The following PTGER2 variants were observed in gnomAD, a reference collection of about 807,000 sequenced individuals.
PTGER2 encodes the protein prostaglandin E2 receptor EP2 subtype.
A neutral mutation model predicts 26.2 loss-of-function variants in PTGER2; 22 were observed. The observed-to-expected ratio is 0.84, with a 90% confidence interval of 0.60 to 1.20. The LOEUF is 1.20. Among genes scored for constraint, PTGER2 ranks in the 50% most tolerant of loss-of-function variants. The pLI, the probability that PTGER2 is intolerant of heterozygous loss-of-function variation, is 0.00. For missense variants in PTGER2, 458 were observed against 475.2 expected (o/e 0.96, Z 0.34); for synonymous variants, 219 against 208.9 (o/e 1.05, Z -0.42).
chr14:52,314,941 C>G lies in PTGER2; in HGVS notation c.393C>G (p.Ala131=). The change falls in exon 1 of 2, where the codon GCC becomes GCG. Residue 131 remains alanine, a synonymous_variant. Coordinates refer to ENST00000245457, the MANE Select transcript of PTGER2 (RefSeq NM_000956.4). This position sits in a 1 kb window ranked among gnomAD's most constrained non-coding sequence, Gnocchi z 5.7. ...CGATGCTCATGCTCTTCGCCATGGC[C>G]CTGGAGCGCTACCTCTCGATCGGGC... ...LATMLMLFAM[A]LERYLSIGHP... is the part of the protein sequence containing the mutation. 6.2e-7 allele frequency: 1 copy of G among 1,612,964 alleles called. No homozygotes were observed. The highest frequency in any genetic ancestry group is 8.5e-7 in the Non-Finnish European group (1 of 1,179,880).
In PTGER2 at chr14:52,315,363, C is replaced by T. The variant is rs2033829408; in HGVS notation, c.815C>T (p.Thr272Ile). 2 of 1,613,304 alleles carry T rather than the reference C, an allele frequency of 1.2e-6. No homozygotes were observed. Among genetic ancestry groups the T allele is most frequent in the African/African-American group, 1.3e-5 (1 of 74,816 alleles). ...HLILLAIMTITFAVCSLPFTI... is the reference protein window; with the variant it reads ...HLILLAIMTIIFAVCSLPFTI... ...ATTCTCCTGGCTATCATGACCATCACCTTCGCCGTCTGCTCCTTGCCTTTC... is the reference window on the plus strand; with the variant it reads ...ATTCTCCTGGCTATCATGACCATCATCTTCGCCGTCTGCTCCTTGCCTTTC... The change falls in exon 1 of 2, where the codon ACC becomes ATC. Residue 272 changes from threonine (T) to isoleucine (I), a missense_variant. By Grantham distance (89) the Thr-to-Ile change is moderately conservative. Transcript: ENST00000245457.
In PTGER2 at chr14:52,327,753, G is replaced by A; in HGVS notation, c.*299G>A. Reference sequence around the variant, plus strand: ...TTAAGCTTTCCTGTTGAATGACAAAGTATGTGGTTTTGTAATTTGTTTGAA... The same window carrying A: ...TTAAGCTTTCCTGTTGAATGACAAAATATGTGGTTTTGTAATTTGTTTGAA... On this transcript the variant is annotated 3_prime_UTR_variant, in exon 2 of 2. Coordinates refer to ENST00000245457, the MANE Select transcript of PTGER2 (RefSeq NM_000956.4). 1 of 300,654 alleles carries A rather than the reference G, an allele frequency of 3.3e-6. No individual in the cohort carries two copies. Among genetic ancestry groups the A allele is most frequent in the Non-Finnish European group, 6.2e-6 (1 of 161,236 alleles). 18.6% of individuals were successfully genotyped at this position (300,654 alleles called of 1,614,324 possible).
chr14:52,325,736 C>T (rs767262306), intron 1 of PTGER2, among the ~76,000 whole-genome samples: 1 of 152,248 alleles, frequency 6.6e-6, no homozygotes, highest in African/African-American at 2.4e-5. Flanking sequence ...TTTCCTTACT[C>T]ATCTGCCAAA....
intron 1 of PTGER2, among the ~76,000 whole-genome samples, chr14:52,321,619 T>C (rs759330143): frequency 2.3e-4 from 35 of 152,250 alleles, no homozygotes; most frequent in Admixed American, 5.2e-4. Context: ...TGGTGTCCCA[T>C]GGATTCAGTT....
chr14:52,317,314 T>C (rs1265283491), intron 1 of PTGER2, among the ~76,000 whole-genome samples: 1 of 152,216 alleles, frequency 6.6e-6, no homozygotes, highest in African/African-American at 2.4e-5. Flanking sequence ...AGGAAAAAGT[T>C]CTCCTCTTTG....
intron 1 of PTGER2, among the ~76,000 whole-genome samples, chr14:52,317,924 C>T (rs2033857463): frequency 6.6e-6 from 1 of 152,178 alleles, no homozygotes; most frequent in Non-Finnish European, 1.5e-5. Context: ...TTTATTTTGT[C>T]AATAGATTAT....
In PTGER2 at chr14:52,327,657, C is replaced by T. The variant is rs2033965947; in HGVS notation, c.*203C>T. The T allele has an allele frequency of 2.2e-5, 12 of 535,540 alleles. No homozygotes were observed. In the East Asian group the frequency reaches 3.7e-4, roughly 16 times the overall value. 33.2% of individuals were successfully genotyped at this position (535,540 alleles called of 1,614,324 possible). A position where few individuals can be genotyped will look rare whatever the true frequency, so the allele number is the denominator to read the frequency against. On this transcript the variant is annotated 3_prime_UTR_variant, in exon 2 of 2. Transcript: ENST00000245457. ...GTGTCAGAAGGAGCTACAAAACCTA[C>T]CCTCAGTGAGCATGGTACTTGGCCT...
intron 1 of PTGER2, among the ~76,000 whole-genome samples, chr14:52,316,986 A>G (rs925089074): frequency 2.0e-5 from 3 of 152,220 alleles, no homozygotes; most frequent in African/African-American, 4.8e-5. Context: ...TTTTACTGGT[A>G]GGAGCTTTTG....
chr14:52,320,308 C>G (rs1006386136), intron 1 of PTGER2, among the ~76,000 whole-genome samples: 1 of 152,150 alleles, frequency 6.6e-6, no homozygotes, highest in African/African-American at 2.4e-5. Flanking sequence ...AATAAAGACA[C>G]AATTACACTG....
rs905258934 is a variant in PTGER2, at chr14:52,314,677, G to GGCGCTGCTGGC, written c.134_144dup (p.Arg49CysfsTer27). 5 of 1,545,644 alleles carry GGCGCTGCTGGC rather than the reference G, an allele frequency of 3.2e-6. No homozygotes were observed. Among genetic ancestry groups the GGCGCTGCTGGC allele is most frequent in the Non-Finnish European group, 4.4e-6 (5 of 1,142,928 alleles). On this transcript the variant is annotated frameshift_variant, in exon 1 of 2. Coordinates refer to ENST00000245457, the MANE Select transcript of PTGER2 (RefSeq NM_000956.4). LOFTEE classifies it high-confidence loss of function. This position sits in a 1 kb window ranked among gnomAD's most constrained non-coding sequence, Gnocchi z 5.7. ...GGGTGCTGGGGAACCTCATAGCACT[G>GGCGCTGCTGGC]GCGCTGCTGGCGCGCCGCTGGCGGG...
At chr14:52,321,968 T>A (rs1186090100) in intron 1 of PTGER2, among the ~76,000 whole-genome samples, 2 of 152,204 alleles carry the variant, frequency 1.3e-5, no homozygotes, top group Non-Finnish European at 2.9e-5. Context: ...TTTAAACTAT[T>A]CCAGGTTTTA....
chr14:52,318,783 T>C (rs1158758690), intron 1 of PTGER2, among the ~76,000 whole-genome samples: 1 of 152,196 alleles, frequency 6.6e-6, no homozygotes, highest in Non-Finnish European at 1.5e-5. Context: ...GTCTAGGGCT[T>C]CCAAAATTTT....
chr14:52,316,652 A>G (rs1299234844), intron 1 of PTGER2, among the ~76,000 whole-genome samples: 1 of 152,164 alleles, frequency 6.6e-6, no homozygotes, highest in African/African-American at 2.4e-5. Flanking sequence ...TCATGTGCTC[A>G]TCCTCAGGGA....
chr14:52,327,026 GA>G (rs377320233), intron 1 of PTGER2, among the ~76,000 whole-genome samples, 194 bp from the exon 2 acceptor site: 286 of 152,156 alleles, frequency 1.9e-3, no homozygotes, highest in African/African-American at 6.7e-3. Context: ...AGTTCAAGGG[GA>G]AAAAATACAT....
At position 52,314,435 on chromosome 14, in the gene PTGER2, T is replaced by G; in HGVS notation, c.-114T>G. 8.2e-7 allele frequency: 1 copy of G among 1,215,962 alleles called. No homozygotes were observed. The highest frequency in any genetic ancestry group is 1.1e-6 in the Non-Finnish European group (1 of 944,382). 75.3% of individuals were successfully genotyped at this position (1,215,962 alleles called of 1,614,324 possible). A position where few individuals can be genotyped will look rare whatever the true frequency, so the allele number is the denominator to read the frequency against. On this transcript the variant is annotated 5_prime_UTR_variant, in exon 1 of 2. Transcript: ENST00000245457. This position sits in a 1 kb window ranked among gnomAD's most constrained non-coding sequence, Gnocchi z 5.7. The stretch of plus-strand genomic sequence containing the variant: ...CTGGGTGCGGGAAGGGGGCTCTGGA[T>G]TTCGGTCCCTCCCCTTTTTCCTCTG...
chr14:52,322,857 A>G (rs1566496713), intron 1 of PTGER2, among the ~76,000 whole-genome samples: 1 of 152,174 alleles, frequency 6.6e-6, no homozygotes, highest in African/African-American at 2.4e-5. Flanking sequence ...CCGACCCCAC[A>G]GCCAGTCAGA....
intron 1 of PTGER2, among the ~76,000 whole-genome samples, chr14:52,324,735 A>G (rs1055841762): frequency 6.6e-6 from 1 of 152,230 alleles, no homozygotes; most frequent in African/African-American, 2.4e-5. Context: ...TCAAAAATAT[A>G]GTAATCTAGG....
intron 1 of PTGER2, among the ~76,000 whole-genome samples, chr14:52,325,826 T>TAAGC (rs1218488379): frequency 1.3e-5 from 2 of 152,236 alleles, no homozygotes; most frequent in Non-Finnish European, 2.9e-5. Context: ...TGTCCCAACA[T>TAAGC]AAGCAAACTG....
rs751840448 is a variant in PTGER2 at position 52,327,448 on chromosome 14, C to T, written c.1071C>T (p.Asp357=). The change falls in exon 2 of 2, where the codon GAC becomes GAT. Residue 357 remains aspartate, a synonymous_variant. Coordinates refer to ENST00000245457, the MANE Select transcript of PTGER2 (RefSeq NM_000956.4). ...STQSDASKQA[D]L is the part of the protein sequence containing the mutation. ...AGTCAGATGCCAGTAAACAGGCTGACCTTTGAGGTCAGTAGTTTAAAAGTT... is the reference window on the plus strand; with the variant it reads ...AGTCAGATGCCAGTAAACAGGCTGATCTTTGAGGTCAGTAGTTTAAAAGTT... 88 of 1,591,786 alleles carry T rather than the reference C, an allele frequency of 5.5e-5. No individual in the cohort carries two copies. Among genetic ancestry groups the T allele is most frequent in the Non-Finnish European group, 7.0e-5 (81 of 1,161,206 alleles).
Sources: gnomAD v4.1 joint callset for allele counts (sites outside exome capture counted in the v4.1 genomes callset) on GRCh38, gnomAD v4.1.1 for gene constraint, Gnocchi (gnomAD v3.1) non-coding constraint, MANE v1.5 for transcripts, NCBI Gene and HGNC (gene_info 2026-07-23, HGNC 2026-07-21) for gene names.